FIGN: variants seen among roughly 807,000 people sequenced by gnomAD.
FIGN encodes fidgetin, microtubule severing factor.
A neutral mutation model predicts 51.3 loss-of-function variants in FIGN; 11 were observed. The ratio of observed to expected loss-of-function variants is 0.21; its 90% confidence interval spans 0.13 to 0.35. FIGN has a LOEUF of 0.35. Among genes scored for constraint, FIGN ranks in the 10% least tolerant of loss-of-function variants. FIGN has a pLI of 1.00. For missense variants in FIGN, 857 were observed against 943.6 expected (o/e 0.91, Z 1.20); for synonymous variants, 407 against 363.2 (o/e 1.12, Z -1.37).
chr2:163,699,987 G>A (rs953521823), intron 2 of FIGN, among the ~76,000 whole-genome samples: 2 of 152,028 alleles, frequency 1.3e-5, no homozygotes, highest in African/African-American at 4.8e-5. Context: ...GTTACCCTAT[G>A]ACTGACTGTA....
intron 2 of FIGN, among the ~76,000 whole-genome samples, chr2:163,734,299 A>G (rs1684978521): frequency 6.6e-6 from 1 of 151,790 alleles, no homozygotes; most frequent in South Asian, 2.1e-4. Flanking sequence ...CAATCAAAAT[A>G]TAATTTTTAT....
intron 2 of FIGN, among the ~76,000 whole-genome samples, chr2:163,712,117 G>A (rs1684596690): frequency 6.6e-6 from 1 of 152,160 alleles, no homozygotes; most frequent in South Asian, 2.1e-4. Context: ...ATCTATGGAT[G>A]TGACACTTGT....
rs963533591 is a variant in FIGN at position 163,606,676 on chromosome 2, T to A, written c.*2876A>T. The A allele has an allele frequency of 2.6e-5, 4 of 152,172 alleles. No individual in the cohort carries two copies. Among genetic ancestry groups the A allele is most frequent in the Admixed American group, 6.6e-5 (1 of 15,262 alleles). 9.4% of individuals were successfully genotyped at this position (152,172 alleles called of 1,614,324 possible). A position where few individuals can be genotyped will look rare whatever the true frequency, so the allele number is the denominator to read the frequency against. ...TTATTAAGCTAGTTTATAGAAGAGC[T>A]CATAATGCTGCCATGCAGAATCAAA... On this transcript the variant is annotated 3_prime_UTR_variant, in exon 3 of 3. Coordinates refer to ENST00000333129, the MANE Select transcript of FIGN (RefSeq NM_018086.4).
rs769648766 is a variant in FIGN at position 163,610,639 on chromosome 2, G to A, written c.1193C>T (p.Ala398Val). The A allele has an allele frequency of 1.9e-6, 3 of 1,614,206 alleles. No individual in the cohort carries two copies. Among genetic ancestry groups the A allele is most frequent in the Non-Finnish European group, 2.5e-6 (3 of 1,180,036 alleles). ...AGTACTGTAGGAAGGAGGGGTCAGA[G>A]CCCTACTGGACTGGCTGCTGAATTT... ...QRKFSSQSSR[A>V]LTPPSYSTAK... The change falls in exon 3 of 3, where the codon GCT becomes GTT. Residue 398 changes from alanine (A) to valine (V), a missense_variant. By Grantham distance (64) the Ala-to-Val change is moderately conservative. Around this residue, in one of 3 missense-constraint regions of FIGN, gnomAD observed 799 missense variants for 849.5 expected, o/e 0.94. Coordinates refer to ENST00000333129, the MANE Select transcript of FIGN (RefSeq NM_018086.4).
At chr2:163,695,219 G>T (rs1252032476) in intron 2 of FIGN, among the ~76,000 whole-genome samples, 1 of 151,940 alleles carries the variant, frequency 6.6e-6, no homozygotes, top group Non-Finnish European at 1.5e-5. Context: ...ACTTTCATTT[G>T]CTCCTCAATC....
intron 2 of FIGN, among the ~76,000 whole-genome samples, chr2:163,730,715 C>T (rs968254593): frequency 4.6e-5 from 7 of 152,042 alleles, no homozygotes; most frequent in African/African-American, 1.7e-4. Context: ...TTTGTTTATT[C>T]TAGTTTATCA....
At chr2:163,626,328 C>T (rs1683053525) in intron 2 of FIGN, among the ~76,000 whole-genome samples, 2 of 152,034 alleles carry the variant, frequency 1.3e-5, no homozygotes, top group Non-Finnish European at 2.9e-5. Context: ...CTATATCCTG[C>T]ATCATTAAGT....
chr2:163,669,261 T>C (rs2105332281), intron 2 of FIGN, among the ~76,000 whole-genome samples: 2 of 152,210 alleles, frequency 1.3e-5, no homozygotes, highest in African/African-American at 4.8e-5. Context: ...CCCAGGCTGG[T>C]GTGCAGTGGC....
intron 2 of FIGN, among the ~76,000 whole-genome samples, chr2:163,722,866 C>A (rs987556009): frequency 4.6e-5 from 7 of 151,818 alleles, no homozygotes; most frequent in African/African-American, 1.7e-4. Flanking sequence ...TAAAAATCAT[C>A]TTTTAATTTT....
intron 2 of FIGN, among the ~76,000 whole-genome samples, chr2:163,647,614 C>A (rs890469779): frequency 6.6e-6 from 1 of 152,160 alleles, no homozygotes; most frequent in African/African-American, 2.4e-5. Context: ...GAACTTTAGG[C>A]TTCTGACTCC....
At chr2:163,679,162 G>T (rs753271816) in intron 2 of FIGN, among the ~76,000 whole-genome samples, 2 of 151,854 alleles carry the variant, frequency 1.3e-5, no homozygotes, top group Non-Finnish European at 2.9e-5. Context: ...TCAGTTACTG[G>T]CTCTTAAAGT....
At chr2:163,658,364 G>GCT (rs55894952) in intron 2 of FIGN, among the ~76,000 whole-genome samples, 3,627 of 137,530 alleles carry the variant, frequency 0.026, 73 homozygotes, top group African/African-American at 0.037. Context: ...TTAAGAAACA[G>GCT]CTCTCTCTCT....
chr2:163,708,026 A>G (rs1001077416), intron 2 of FIGN, among the ~76,000 whole-genome samples: 1 of 152,178 alleles, frequency 6.6e-6, no homozygotes, highest in Non-Finnish European at 1.5e-5. Context: ...ACATTTTAAA[A>G]GAAGTTTCTG....
intron 2 of FIGN, among the ~76,000 whole-genome samples, chr2:163,673,340 T>C (rs1559016762): frequency 6.6e-6 from 1 of 152,162 alleles, no homozygotes. Context: ...GTAAGTTGAA[T>C]CTGACAGCTG....
rs1691177589 is a variant in FIGN, at chr2:163,609,285, C to T, written c.*267G>A. On this transcript the variant is annotated 3_prime_UTR_variant, in exon 3 of 3. Coordinates refer to ENST00000333129, the MANE Select transcript of FIGN (RefSeq NM_018086.4). ...TCCTTCTGAAATCAACACACTTGCA[C>T]CTTGCTCCTTGGTGAGTGTTGTCTA... is the stretch of plus-strand genomic sequence containing the variant. 2.3e-6 allele frequency: 1 copy of T among 425,938 alleles called. No homozygotes were observed. The highest frequency in any genetic ancestry group is 3.9e-5 in the Admixed American group (1 of 25,340). 26.4% of individuals were successfully genotyped at this position (425,938 alleles called of 1,614,324 possible).
At chr2:163,617,061 A>C (rs780222018) in intron 2 of FIGN, 3 of 971,374 alleles carry the variant, frequency 3.1e-6, no homozygotes, top group Non-Finnish European at 3.7e-6. Context: ...TTGTCTACTC[A>C]TCCTCATAAG....
intron 2 of FIGN, among the ~76,000 whole-genome samples, chr2:163,719,331 C>T (rs1163028747): frequency 1.3e-5 from 2 of 152,064 alleles, no homozygotes; most frequent in African/African-American, 2.4e-5. Context: ...AGAAGGGAGA[C>T]ACAAGGAGAA....
At chr2:163,657,711 C>T (rs1345143103) in intron 2 of FIGN, among the ~76,000 whole-genome samples, 2 of 152,214 alleles carry the variant, frequency 1.3e-5, no homozygotes, top group East Asian at 1.9e-4. Context: ...CCTCATTACA[C>T]ATTTTAGTAG....
chr2:163,735,368 T>C (rs1684998173), intron 1 of FIGN, among the ~76,000 whole-genome samples: 1 of 152,228 alleles, frequency 6.6e-6, no homozygotes, highest in African/African-American at 2.4e-5. Flanking sequence ...CTTCTGACAT[T>C]TTCTCGTTCC....
Sources: allele counts gnomAD v4.1 joint callset (sites outside exome capture counted in the v4.1 genomes callset), GRCh38; gene constraint gnomAD v4.1.1; regional missense constraint gnomAD v4.1.1; transcripts MANE v1.5; gene names NCBI Gene and HGNC (gene_info 2026-07-23, HGNC 2026-07-21).